RETREG1: variants seen among roughly 807,000 people sequenced by gnomAD.
RETREG1 encodes the protein reticulophagy regulator 1.
A neutral mutation model predicts 54.8 loss-of-function variants in RETREG1; 44 were observed. That is an observed-to-expected ratio of 0.80 (90% CI 0.63 to 1.03). RETREG1 has a LOEUF of 1.03. Ranked by LOEUF, RETREG1 falls within the 50% of genes least tolerant of loss-of-function variation. The probability of loss-of-function intolerance (pLI) is 0.00; values close to 1 mark genes in which losing one functional copy is unlikely to be tolerated. For synonymous variants in RETREG1, 217 were observed against 238.5 expected (o/e 0.91, Z 0.83); for missense variants, 554 against 605.1 (o/e 0.92, Z 0.89).
chr5:16,491,216 C>T (rs1022522276), intron 3 of RETREG1, among the ~76,000 whole-genome samples: 4 of 152,154 alleles, frequency 2.6e-5, no homozygotes, highest in East Asian at 1.9e-4. Flanking sequence ...TCCATTTTAC[C>T]CAAGAGAAAA....
At chr5:16,483,525 AC>A in intron 3 of RETREG1, 53 bp from the exon 4 acceptor site, 1 of 1,593,472 alleles carries the variant, frequency 6.3e-7, no homozygotes, top group South Asian at 1.1e-5. Context: ...GATTCATTCA[AC>A]ATTTATGGCT....
chr5:16,533,118 C>T (rs1035127726), intron 3 of RETREG1, among the ~76,000 whole-genome samples: 36 of 152,054 alleles, frequency 2.4e-4, no homozygotes, highest in African/African-American at 8.7e-4. Context: ...TACCTAGGCT[C>T]ACTGCAAGCT....
chr5:16,560,153 T>C (rs1741817336), intron 3 of RETREG1, among the ~76,000 whole-genome samples: 1 of 152,232 alleles, frequency 6.6e-6, no homozygotes. Context: ...TTACATTCAG[T>C]GTGACATTTG....
chr5:16,504,302 C>T (rs1043758915), intron 3 of RETREG1, among the ~76,000 whole-genome samples: 1 of 152,160 alleles, frequency 6.6e-6, no homozygotes, highest in Non-Finnish European at 1.5e-5. Flanking sequence ...TCCAGTCTAT[C>T]GTTGATGGGC....
chr5:16,531,422 G>T (rs1433014096), intron 3 of RETREG1, among the ~76,000 whole-genome samples: 1 of 152,160 alleles, frequency 6.6e-6, no homozygotes, highest in Non-Finnish European at 1.5e-5. Context: ...TTGCAGGCCA[G>T]GCGTCAGGAG....
At chr5:16,562,381 G>A (rs1279470684) in intron 3 of RETREG1, among the ~76,000 whole-genome samples, 2 of 152,132 alleles carry the variant, frequency 1.3e-5, no homozygotes, top group Non-Finnish European at 2.9e-5. Context: ...GATATCTGTG[G>A]TGGGCAGGAC....
At chr5:16,491,869 G>T (rs1320496062) in intron 3 of RETREG1, among the ~76,000 whole-genome samples, 1 of 152,088 alleles carries the variant, frequency 6.6e-6, no homozygotes, top group Non-Finnish European at 1.5e-5. Flanking sequence ...CGAAAGAAAG[G>T]AAAGAAAGGA....
At chr5:16,592,776 G>A (rs1338039965) in intron 1 of RETREG1, among the ~76,000 whole-genome samples, 1 of 152,072 alleles carries the variant, frequency 6.6e-6, no homozygotes, top group Non-Finnish European at 1.5e-5. Context: ...CATTATCCTT[G>A]GCAAACTAAC....
chr5:16,605,893 C>T (rs1743175055), intron 1 of RETREG1, among the ~76,000 whole-genome samples: 1 of 152,158 alleles, frequency 6.6e-6, no homozygotes, highest in Non-Finnish European at 1.5e-5. Context: ...CCTAAAGGCT[C>T]CACCTCTTAA....
At chr5:16,599,823 G>A (rs1359557939) in intron 1 of RETREG1, among the ~76,000 whole-genome samples, 1 of 152,162 alleles carries the variant, frequency 6.6e-6, no homozygotes, top group East Asian at 1.9e-4. Flanking sequence ...AAGCAAGCAG[G>A]AAAGGAGACA....
chr5:16,483,137 CA>C, intron 4 of RETREG1: 1 of 569,610 alleles, frequency 1.8e-6, no homozygotes, highest in Non-Finnish European at 3.1e-6. Context: ...AATGTAAAAC[CA>C]ATCCAATTTC....
intron 1 of RETREG1, among the ~76,000 whole-genome samples, chr5:16,608,654 AC>A (rs1217932164): frequency 3.3e-5 from 5 of 152,120 alleles, no homozygotes; most frequent in Non-Finnish European, 4.4e-5. Context: ...GAGTTCAGGC[AC>A]TGGGCTTCTG....
At chr5:16,609,634 G>A (rs545235361) in intron 1 of RETREG1, among the ~76,000 whole-genome samples, 2 of 152,236 alleles carry the variant, frequency 1.3e-5, no homozygotes, top group African/African-American at 2.4e-5. Context: ...ACTGAAGCCC[G>A]GCCAGAAGGA....
At chr5:16,537,461 A>G (rs1741107129) in intron 3 of RETREG1, among the ~76,000 whole-genome samples, 1 of 152,214 alleles carries the variant, frequency 6.6e-6, no homozygotes, top group Admixed American at 6.5e-5. Flanking sequence ...TTTGGCCACA[A>G]TTCCAACAAA....
chr5:16,591,293 G>A (rs939159054), intron 1 of RETREG1, among the ~76,000 whole-genome samples: 1 of 152,016 alleles, frequency 6.6e-6, no homozygotes, highest in African/African-American at 2.4e-5. Context: ...ACAGTGAAAC[G>A]TTCCATATCT....
chr5:16,555,968 T>C (rs543289633), intron 3 of RETREG1, among the ~76,000 whole-genome samples: 8 of 152,244 alleles, frequency 5.3e-5, no homozygotes, highest in African/African-American at 1.9e-4. Context: ...AGCCGAGTTA[T>C]TTTCCATATT....
At position 16,581,740 on chromosome 5, in the gene RETREG1, T is replaced by G. The variant is rs1046561068; in HGVS notation, c.321-9638A>C. On this transcript the variant is annotated intron_variant, in intron 1 of 8. Transcript: ENST00000306320. Reference sequence around the variant, plus strand: ...GATTGATGGCCTTTTTATAACCAATTAAAAGAAAAAAAACGATACATTTTT... The same window carrying G: ...GATTGATGGCCTTTTTATAACCAATGAAAAGAAAAAAAACGATACATTTTT... Among the ~76,000 whole-genome samples, 3 of 104,056 alleles carry G rather than the reference T, an allele frequency of 2.9e-5. 1 individual carries two copies. 68.3% of individuals were successfully genotyped at this position (104,056 alleles called of 152,430 possible).
At chr5:16,608,219 T>C (rs1008675922) in intron 1 of RETREG1, among the ~76,000 whole-genome samples, 2 of 152,150 alleles carry the variant, frequency 1.3e-5, no homozygotes, top group African/African-American at 4.8e-5. Context: ...TTATTCACCA[T>C]AGGGGAATAT....
chr5:16,485,484 T>C (rs1406390208), intron 3 of RETREG1, among the ~76,000 whole-genome samples: 1 of 152,226 alleles, frequency 6.6e-6, no homozygotes, highest in Non-Finnish European at 1.5e-5. Flanking sequence ...AATATTTTTT[T>C]GAATGAATAG....
Sources: allele counts gnomAD v4.1 joint callset (sites outside exome capture counted in the v4.1 genomes callset), GRCh38; gene constraint gnomAD v4.1.1; transcripts MANE v1.5; gene names NCBI Gene and HGNC (gene_info 2026-07-23, HGNC 2026-07-21).